The following JAKMIP2 variants were observed in gnomAD, a reference collection of about 807,000 sequenced individuals.
JAKMIP2 encodes the protein janus kinase and microtubule-interacting protein 2.
In JAKMIP2, 25 loss-of-function variants were observed where a neutral mutation model predicts 115.0. That is an observed-to-expected ratio of 0.22 (90% CI 0.16 to 0.30). The LOEUF (loss-of-function observed/expected upper bound fraction) is 0.30, where lower values mean the gene tolerates loss of function less well. JAKMIP2 is among the 10% of genes least tolerant of loss of function. The pLI, the probability that JAKMIP2 is intolerant of heterozygous loss-of-function variation, is 1.00. For missense variants in JAKMIP2, 642 were observed against 957.6 expected, an observed-to-expected ratio of 0.67 and a Z score of 4.35; for synonymous variants, 334 against 343.6, an observed-to-expected ratio of 0.97 and a Z score of 0.31.
chr5:147,637,125 A>AAG (rs150089641), intron 10 of JAKMIP2, 77 bp from the exon 11 acceptor site: 59 of 790,338 alleles, frequency 7.5e-5, no homozygotes, highest in Admixed American at 2.1e-4. Flanking sequence ...CTCAACAAGT[A>AAG]AGAGAGAGAG....
rs376914555 is a variant in JAKMIP2 at position 147,636,303 on chromosome 5, C to G, written c.1615-19G>C. ...GTGAATCCTGTTTGACAAAGAATATCGCGCAGTCAGCATTTCAGAGTGGCA... is the reference window on the plus strand; with the variant it reads ...GTGAATCCTGTTTGACAAAGAATATGGCGCAGTCAGCATTTCAGAGTGGCA... On this transcript the variant is annotated intron_variant, in intron 11 of 21. Transcript: ENST00000616793. 43 of 1,608,812 alleles carry G rather than the reference C, an allele frequency of 2.7e-5. No homozygotes were observed. Among genetic ancestry groups the G allele is most frequent in the Non-Finnish European group, 3.5e-5 (41 of 1,175,532 alleles).
intron 1 of JAKMIP2, among the ~76,000 whole-genome samples, chr5:147,777,640 T>C (rs1336008803): frequency 1.3e-5 from 2 of 152,222 alleles, no homozygotes; most frequent in Non-Finnish European, 2.9e-5. Context: ...AAAAAAACTT[T>C]AAGCAACAAA....
At position 147,742,155 on chromosome 5, in the gene JAKMIP2, A is replaced by ATATATATATTTT; in HGVS notation, c.-149+40300_-149+40301insAAAATATATATA. Among the ~76,000 whole-genome samples the ATATATATATTTT allele has an allele frequency of 6.6e-4, 72 of 108,900 alleles. 2 individuals are homozygous for ATATATATATTTT. The highest frequency in any genetic ancestry group is 2.5e-3 in the African/African-American group (65 of 26,446). 71.4% of individuals were successfully genotyped at this position (108,900 alleles called of 152,430 possible). ...TGTGGATCATTATATATATATATAT[A>ATATATATATTTT]TTTTTTTTACTATTGTATTGTATCT... On this transcript the variant is annotated intron_variant, in intron 1 of 21. Transcript: ENST00000616793.
Position 147,644,919 on chromosome 5 carries a change from A to G in JAKMIP2, c.1014T>C (p.Asp338=). ...TGCGCTGCAAGGACACCATCAGTTC[A>G]TCGTTTCTCTTGGCGAGGCACTTGT... ...ERNKCLAKRN[D]ELMVSLQRME... is the part of the protein sequence containing the mutation. Residue 338 remains aspartate (D), a synonymous_variant, in exon 6 of 22, where the codon GAT becomes GAC. Transcript: ENST00000616793. 6.2e-7 allele frequency: 1 copy of G among 1,613,832 alleles called. No individual in the cohort carries two copies. The highest frequency in any genetic ancestry group is 8.5e-7 in the Non-Finnish European group (1 of 1,179,838).
chr5:147,728,110 C>T (rs1486073922), intron 1 of JAKMIP2, among the ~76,000 whole-genome samples: 3 of 152,088 alleles, frequency 2.0e-5, no homozygotes, highest in Admixed American at 6.6e-5. Context: ...GAAATTACTT[C>T]GCAGTATGTG....
rs1755714740 is a variant in JAKMIP2 at position 147,601,824 on chromosome 5, A to G, written c.2413-13T>C. Reference sequence around the variant, plus strand: ...ATAGAAACAGAAACTGCAGAAGAAAAAGAAGAAGATTATGTAAATCTGAAT... The same window carrying G: ...ATAGAAACAGAAACTGCAGAAGAAAGAGAAGAAGATTATGTAAATCTGAAT... On this transcript the variant is annotated splice_polypyrimidine_tract_variant and intron_variant, in intron 20 of 21. Transcript: ENST00000616793. The G allele has an allele frequency of 1.7e-6, 2 of 1,179,252 alleles. No individual in the cohort carries two copies. The highest frequency in any genetic ancestry group is 2.4e-6 in the Non-Finnish European group (2 of 818,804). The allele number at this position is 1,179,252 out of a possible 1,614,324, so 73.0% of individuals were successfully genotyped here. A position where few individuals can be genotyped will look rare whatever the true frequency, so the allele number is the denominator to read the frequency against.
chr5:147,768,296 C>T lies in JAKMIP2; in HGVS notation c.-149+14160G>A, dbSNP rs1755224106. ...CGTGCTTTTAGGATTAAGTTTTATT[C>T]ATCTTTGTAGGTTCCCTACTCACTA... On this transcript the variant is annotated intron_variant, in intron 1 of 21. Transcript: ENST00000616793. 2.6e-5 allele frequency among the ~76,000 whole-genome samples: 4 copies of T among 152,252 alleles called. No homozygotes were observed. The South Asian group carries it at 8.3e-4, about 32-fold the overall frequency.
intron 12 of JAKMIP2, among the ~76,000 whole-genome samples, chr5:147,634,057 T>C (rs1176262071): frequency 6.6e-6 from 1 of 152,210 alleles, no homozygotes; most frequent in Admixed American, 6.5e-5. Flanking sequence ...CTTCCCTTGA[T>C]ATTAGCTGTA....
intron 1 of JAKMIP2, among the ~76,000 whole-genome samples, chr5:147,721,742 T>C (rs959425092): frequency 7.9e-5 from 12 of 152,040 alleles, no homozygotes; most frequent in Non-Finnish European, 1.3e-4. Context: ...GACCTGCGCC[T>C]GCTGTCTGGC....
intron 21 of JAKMIP2, chr5:147,595,461 A>C (rs1331058357): frequency 6.6e-6 from 3 of 456,650 alleles, no homozygotes; most frequent in Admixed American, 4.7e-5. Context: ...ACAAGGCGCC[A>C]TCTTGGAAGT....
At chr5:147,691,467 T>A (rs961318039) in intron 1 of JAKMIP2, among the ~76,000 whole-genome samples, 9 of 152,114 alleles carry the variant, frequency 5.9e-5, no homozygotes, top group African/African-American at 2.2e-4. Flanking sequence ...CTCCTTATTG[T>A]TGAAATTTAC....
At position 147,591,017 on chromosome 5, in the gene JAKMIP2, G is replaced by A. The variant is rs1174827903; in HGVS notation, c.*690C>T. 6.6e-6 allele frequency: 1 copy of A among 152,604 alleles called. No homozygotes were observed. The highest frequency in any genetic ancestry group is 2.4e-5 in the African/African-American group (1 of 41,430). The allele number at this position is 152,604 out of a possible 1,614,324, so 9.5% of individuals were successfully genotyped here. On this transcript the variant is annotated 3_prime_UTR_variant, in exon 22 of 22. Transcript: ENST00000616793. ...GTCGTCTGTGGAATGAATTCCACAA[G>A]CTCCACCTTTTGCAGAAAAACAAAA...
intron 1 of JAKMIP2, among the ~76,000 whole-genome samples, chr5:147,770,272 C>G (rs1755302321): frequency 6.6e-6 from 1 of 151,996 alleles, no homozygotes; most frequent in South Asian, 2.1e-4. Context: ...ATCCATATAT[C>G]TGTATATTTG....
intron 18 of JAKMIP2, 119 bp downstream of exon 18, chr5:147,620,547 G>T: frequency 1.8e-6 from 1 of 564,852 alleles, no homozygotes; most frequent in Non-Finnish European, 3.1e-6. Context: ...ACCAGTAAAT[G>T]AATGAACTGC....
At chr5:147,698,875 A>T (rs533590309) in intron 1 of JAKMIP2, among the ~76,000 whole-genome samples, 1 of 152,198 alleles carries the variant, frequency 6.6e-6, no homozygotes, top group Admixed American at 6.5e-5. Flanking sequence ...AAGTGGTTGT[A>T]CAAAAATAAT....
intron 1 of JAKMIP2, among the ~76,000 whole-genome samples, chr5:147,770,830 C>T (rs906529549): frequency 1.1e-4 from 16 of 151,880 alleles, no homozygotes; most frequent in South Asian, 2.1e-4. Context: ...ATATTTAATG[C>T]CTATTTACAT....
intron 1 of JAKMIP2, among the ~76,000 whole-genome samples, chr5:147,748,488 C>A (rs1021599681): frequency 6.7e-6 from 1 of 149,302 alleles, no homozygotes; most frequent in East Asian, 2.0e-4. Context: ...CAAATCATTT[C>A]TTTTCTAACA....
chr5:147,685,128 G>A (rs1238761404), intron 1 of JAKMIP2, among the ~76,000 whole-genome samples: 1 of 152,162 alleles, frequency 6.6e-6, no homozygotes, highest in Non-Finnish European at 1.5e-5. Flanking sequence ...AAGTCACAGT[G>A]CTAGCAAAAG....
At chr5:147,629,593 G>A in intron 15 of JAKMIP2, 100 bp downstream of exon 15, 1 of 755,796 alleles carries the variant, frequency 1.3e-6, no homozygotes, top group Non-Finnish European at 2.2e-6. Context: ...AAGTGAAATG[G>A]CATCTCACTT....
Sources: allele counts gnomAD v4.1 joint callset (sites outside exome capture counted in the v4.1 genomes callset), GRCh38; gene constraint gnomAD v4.1.1; transcripts MANE v1.5; gene names NCBI Gene and HGNC (gene_info 2026-07-23, HGNC 2026-07-21).